The following GTF2IRD1 variants were observed in gnomAD, a reference collection of about 807,000 sequenced individuals.
GTF2IRD1 encodes general transcription factor II-I repeat domain-containing protein 1.
A neutral mutation model predicts 113.2 loss-of-function variants in GTF2IRD1; 26 were observed. That is an observed-to-expected ratio of 0.23 (90% confidence interval 0.17 to 0.32). The LOEUF (loss-of-function observed/expected upper bound fraction) is 0.32, where lower values mean the gene tolerates loss of function less well. GTF2IRD1 is among the 10% of genes least tolerant of loss of function. The pLI, the probability that GTF2IRD1 is intolerant of heterozygous loss-of-function variation, is 1.00. For synonymous variants in GTF2IRD1, 484 were observed against 529.1 expected, an observed-to-expected ratio of 0.91 and a Z score of 1.17; for missense variants, 864 against 1,280.8, an observed-to-expected ratio of 0.67 and a Z score of 4.97.
chr7:74,461,104 G>T (rs1324190274), intron 1 of GTF2IRD1, among the ~76,000 whole-genome samples: 1 of 152,224 alleles, frequency 6.6e-6, no homozygotes, highest in African/African-American at 2.4e-5. Flanking sequence ...TGGTGCTGTA[G>T]TCCAAGGGAC....
At chr7:74,597,627 G>A (rs587612979) in intron 25 of GTF2IRD1, among the ~76,000 whole-genome samples, 29 of 152,244 alleles carry the variant, frequency 1.9e-4, no homozygotes, top group Admixed American at 3.9e-4. Flanking sequence ...GATTACAGGC[G>A]TGAGCTACTG....
At chr7:74,518,919 G>A (rs1797106966) in intron 5 of GTF2IRD1, among the ~76,000 whole-genome samples, 1 of 152,124 alleles carries the variant, frequency 6.6e-6, no homozygotes, top group South Asian at 2.1e-4. Context: ...TTAGGTGTCA[G>A]AAACGGGAGA....
At chr7:74,567,305 C>T (rs781952078) in intron 22 of GTF2IRD1, among the ~76,000 whole-genome samples, 1 of 150,608 alleles carries the variant, frequency 6.6e-6, no homozygotes, top group Non-Finnish European at 1.5e-5. Context: ...TCCAACCCGG[C>T]GACACAGCGA....
intron 11 of GTF2IRD1, 47 bp downstream of exon 11, chr7:74,536,322 T>A: frequency 2.5e-6 from 3 of 1,190,164 alleles, no homozygotes; most frequent in Non-Finnish European, 3.8e-6. Context: ...AGCCCTGCTC[T>A]GGGCTGAGGC....
At chr7:74,583,120 G>A (rs782018364) in intron 22 of GTF2IRD1, among the ~76,000 whole-genome samples, 101 of 152,144 alleles carry the variant, frequency 6.6e-4, no homozygotes, top group Non-Finnish European at 1.2e-3. Flanking sequence ...CCACAGACAA[G>A]GTATATTGTG....
At chr7:74,572,048 C>T (rs1800725379) in intron 22 of GTF2IRD1, among the ~76,000 whole-genome samples, 1 of 152,130 alleles carries the variant, frequency 6.6e-6, no homozygotes, top group Non-Finnish European at 1.5e-5. Context: ...AATACAGTAG[C>T]ACCACTTGTC....
chr7:74,546,340 C>G (rs1440858614), intron 16 of GTF2IRD1, among the ~76,000 whole-genome samples: 1 of 151,294 alleles, frequency 6.6e-6, no homozygotes, highest in Non-Finnish European at 1.5e-5. Flanking sequence ...TCCTGCCTCA[C>G]CCTCCCGAGT....
chr7:74,498,529 C>T (rs1254591706), intron 1 of GTF2IRD1, among the ~76,000 whole-genome samples: 2 of 152,062 alleles, frequency 1.3e-5, no homozygotes. Context: ...CACTCCTGTA[C>T]CCAGAGAACT....
chr7:74,471,696 A>C (rs1258870174), intron 1 of GTF2IRD1, among the ~76,000 whole-genome samples: 2 of 91,522 alleles, frequency 2.2e-5, no homozygotes, highest in African/African-American at 7.0e-5. Flanking sequence ...AAAACAAAAA[A>C]AAAAACAAAA....
At chr7:74,466,879 T>A (rs1272734230) in intron 1 of GTF2IRD1, among the ~76,000 whole-genome samples, 2 of 151,854 alleles carry the variant, frequency 1.3e-5, no homozygotes, top group Non-Finnish European at 2.9e-5. Flanking sequence ...TGTGCAACCT[T>A]GTCAAGTGAA....
At chr7:74,559,567 G>A (rs1243551118) in intron 21 of GTF2IRD1, 60 bp from the exon 22 acceptor site, 41 of 1,476,440 alleles carry the variant, frequency 2.8e-5, no homozygotes, top group African/African-American at 4.2e-5. Flanking sequence ...GAATCCCAGG[G>A]GTGTCTTCCT....
chr7:74,589,701 AG>A, intron 22 of GTF2IRD1, 149 bp from the exon 23 acceptor site: 1 of 525,218 alleles, frequency 1.9e-6, no homozygotes, highest in South Asian at 2.2e-5. Context: ...CTGTCTCAAA[AG>A]GAAAAAAAAA....
intron 1 of GTF2IRD1, among the ~76,000 whole-genome samples, chr7:74,482,407 T>C (rs1794795648): frequency 1.3e-5 from 2 of 151,670 alleles, no homozygotes; most frequent in Non-Finnish European, 2.9e-5. Context: ...TTTAAATTTT[T>C]TGTAGAGTCA....
intron 2 of GTF2IRD1, among the ~76,000 whole-genome samples, chr7:74,508,443 G>T (rs1796423259): frequency 6.6e-6 from 1 of 152,148 alleles, no homozygotes; most frequent in Non-Finnish European, 1.5e-5. Context: ...TGTAATCCTA[G>T]CACTTTGGGA....
At chr7:74,471,672 TAAA>T (rs66929736) in intron 1 of GTF2IRD1, among the ~76,000 whole-genome samples, 104 of 104,686 alleles carry the variant, frequency 9.9e-4, no homozygotes, top group African/African-American at 3.2e-3. Context: ...TTGAAATATT[TAAA>T]AAAAAAAAAA....
At chr7:74,484,255 T>G (rs955892839) in intron 1 of GTF2IRD1, among the ~76,000 whole-genome samples, 41 of 152,136 alleles carry the variant, frequency 2.7e-4, no homozygotes, top group Non-Finnish European at 2.4e-4. Context: ...AGATGGTATA[T>G]GCATCACCGG....
At chr7:74,466,299 A>G (rs1793702881) in intron 1 of GTF2IRD1, among the ~76,000 whole-genome samples, 1 of 152,118 alleles carries the variant, frequency 6.6e-6, no homozygotes, top group African/African-American at 2.4e-5. Context: ...GGCTTTCTGC[A>G]TGGCCCTGGA....
chr7:74,459,553 G>A (rs782359030), intron 1 of GTF2IRD1, among the ~76,000 whole-genome samples: 9 of 152,098 alleles, frequency 5.9e-5, no homozygotes, highest in East Asian at 1.9e-4. Flanking sequence ...TGTCTCAGGC[G>A]GTGAACAGAA....
intron 22 of GTF2IRD1, among the ~76,000 whole-genome samples, chr7:74,581,368 G>A (rs1554366095): frequency 1.3e-5 from 2 of 152,218 alleles, no homozygotes. Context: ...TCAGGGACTT[G>A]CCCAGGGTCG....
Sources: gnomAD v4.1 joint callset for allele counts (sites outside exome capture counted in the v4.1 genomes callset) on GRCh38, gnomAD v4.1.1 for gene constraint, MANE v1.5 for transcripts, NCBI Gene and HGNC (gene_info 2026-07-23, HGNC 2026-07-21) for gene names.